The following SDK1 variants were observed in gnomAD, a reference collection of about 807,000 sequenced individuals.
The protein encoded by SDK1 is sidekick cell adhesion molecule 1, also known as protein sidekick-1.
In SDK1, 157 loss-of-function variants were observed where a neutral mutation model predicts 245.5. The observed-to-expected ratio is 0.64, with a 90% CI of 0.56 to 0.73. The LOEUF is 0.73. Among genes scored for constraint, SDK1 ranks in the 30% least tolerant of loss-of-function variants. The pLI is 0.00. For missense variants in SDK1, 3,583 were observed against 3,002.3 expected, an observed-to-expected ratio of 1.19 and a Z score of -4.52; for synonymous variants, 1,647 against 1,278.5, an observed-to-expected ratio of 1.29 and a Z score of -6.15.
chr7:4,253,390 A>T lies in SDK1; in HGVS notation c.6381+7585A>T, dbSNP rs191184428. On this transcript the variant is annotated intron_variant, in intron 44 of 44. Coordinates refer to ENST00000404826, the MANE Select transcript of SDK1 (RefSeq NM_152744.4). The stretch of plus-strand genomic sequence containing the variant: ...TTCTGTGTAATTTCTTCTTTGACAC[A>T]TTCGTTATTTAGGAGTGTGTTTTAC... 3.4e-3 allele frequency among the ~76,000 whole-genome samples: 520 copies of T among 152,258 alleles called. 4 individuals are homozygous for T. Among genetic ancestry groups the T allele is most frequent in the African/African-American group, 0.012 (501 of 41,558 alleles).
chr7:3,812,344 C>G (rs1235224108), intron 4 of SDK1, among the ~76,000 whole-genome samples: 1 of 152,170 alleles, frequency 6.6e-6, no homozygotes, highest in Non-Finnish European at 1.5e-5. Flanking sequence ...ACTGGAGGAT[C>G]CTTGTGTGCA....
chr7:4,232,098 A>G (rs1785814309), intron 40 of SDK1, among the ~76,000 whole-genome samples: 1 of 150,758 alleles, frequency 6.6e-6, no homozygotes, highest in African/African-American at 2.4e-5. Context: ...AATTTATACA[A>G]ACACACGTAC....
chr7:3,433,218 A>T (rs1477651516), intron 1 of SDK1, among the ~76,000 whole-genome samples: 3 of 152,160 alleles, frequency 2.0e-5, no homozygotes, highest in Non-Finnish European at 4.4e-5. Context: ...CACATTATCT[A>T]GTTATCTGCC....
At position 4,241,847 on chromosome 7, in the gene SDK1, C is replaced by G; in HGVS notation, c.6185C>G (p.Ala2062Gly). ...GTGACCCTGGACAACGGAGGATTTGCTGCCCTGGAGCTCAGCAGCCGCCAC... is the reference window on the plus strand; with the variant it reads ...GTGACCCTGGACAACGGAGGATTTGGTGCCCTGGAGCTCAGCAGCCGCCAC... The part of the protein sequence containing the change: ...ESVTLDNGGF[A>G]ALELSSRHLN... The change falls in exon 43 of 45, where the codon GCT becomes GGT. Residue 2062 changes from alanine (A) to glycine (G), a missense_variant. Transcript: ENST00000404826. The G allele has an allele frequency of 6.2e-7, 1 of 1,614,146 alleles. No individual in the cohort carries two copies. Among genetic ancestry groups the G allele is most frequent in the Non-Finnish European group, 8.5e-7 (1 of 1,180,016 alleles).
At chr7:3,371,687 G>A (rs1207057433) in intron 1 of SDK1, among the ~76,000 whole-genome samples, 3 of 152,186 alleles carry the variant, frequency 2.0e-5, no homozygotes, top group Non-Finnish European at 4.4e-5. Context: ...GGATGCAGAG[G>A]AGAAAAAGAT....
In SDK1 at chr7:3,907,152, C is replaced by G. The variant is rs140985571; in HGVS notation, c.848-43771C>G. On this transcript the variant is annotated intron_variant, in intron 5 of 44. Transcript: ENST00000404826. ...TGAAGATTTGTCTCTATCTGTAAAA[C>G]TTAAAACTTGCCATTTTAGCCATGC... Among the ~76,000 whole-genome samples, 1,328 of 152,252 alleles carry G rather than the reference C, an allele frequency of 8.7e-3. 9 individuals carry two copies. Among genetic ancestry groups the G allele is most frequent in the Middle Eastern group, 0.024 (7 of 294 alleles).
intron 1 of SDK1, among the ~76,000 whole-genome samples, chr7:3,537,533 C>G (rs545592934): frequency 6.6e-6 from 1 of 152,324 alleles, no homozygotes; most frequent in African/African-American, 2.4e-5. Context: ...TATGGATTCT[C>G]CATTGTGGCA....
intron 1 of SDK1, among the ~76,000 whole-genome samples, chr7:3,346,375 T>C (rs1205480325): frequency 6.6e-6 from 1 of 152,140 alleles, no homozygotes; most frequent in Admixed American, 6.5e-5. Flanking sequence ...TAGCTTCACT[T>C]TCTTCCTAGG....
chr7:3,301,728 C>A lies in SDK1; in HGVS notation c.142C>A (p.Pro48Thr), dbSNP rs868254792. Residue 48 changes from proline (P) to threonine (T), a missense_variant, in exon 1 of 45, where the codon CCC becomes ACC. By Grantham distance (38) the Pro-to-Thr change is conservative (BLOSUM62 -1). Transcript: ENST00000404826. ...GCTGGCGCCGCGCCCCGGCCCGGAG[C>A]CCTCGCGACCCCGGGCGGCGCCCGA... ...PSLAPRPGPE[P>T]SRPRAAPETS... 4,936 of 977,352 alleles carry A rather than the reference C, an allele frequency of 5.1e-3. 195 individuals are homozygous for A. In the African/African-American group the frequency reaches 0.079, roughly 16 times the overall value. 60.5% of individuals were successfully genotyped at this position (977,352 alleles called of 1,614,324 possible). A position where few individuals can be genotyped will look rare whatever the true frequency, so the allele number is the denominator to read the frequency against.
In SDK1 at chr7:3,348,119, C is replaced by T. The variant is rs149796914; in HGVS notation, c.298+46235C>T. 7.9e-3 allele frequency among the ~76,000 whole-genome samples: 1,198 copies of T among 152,204 alleles called. 8 individuals are homozygous for T. Among genetic ancestry groups the T allele is most frequent in the Middle Eastern group, 0.061 (18 of 294 alleles). On this transcript the variant is annotated intron_variant, in intron 1 of 44. Coordinates refer to ENST00000404826, the MANE Select transcript of SDK1 (RefSeq NM_152744.4). The stretch of plus-strand genomic sequence containing the variant: ...ATGTCTCTCACCTCTAAAGTGGGGA[C>T]GATGTTTACATCACAGACAGCAAAG...
intron 9 of SDK1, among the ~76,000 whole-genome samples, chr7:3,964,298 C>A (rs1374031808): frequency 6.6e-6 from 1 of 152,190 alleles, no homozygotes; most frequent in Non-Finnish European, 1.5e-5. Flanking sequence ...TGTCACTCCC[C>A]GGCCCTAGTA....
chr7:3,859,137 C>T (rs916681023), intron 5 of SDK1, among the ~76,000 whole-genome samples: 1 of 152,132 alleles, frequency 6.6e-6, no homozygotes, highest in African/African-American at 2.4e-5. Flanking sequence ...GCTGGGATTA[C>T]AGGCGTGAGC....
chr7:3,360,211 C>G (rs1305114011), intron 1 of SDK1, among the ~76,000 whole-genome samples: 3 of 152,178 alleles, frequency 2.0e-5, no homozygotes, highest in Non-Finnish European at 4.4e-5. Flanking sequence ...AGGAGTCACA[C>G]TAGTCACTAT....
chr7:3,432,442 A>G (rs1035568533), intron 1 of SDK1, among the ~76,000 whole-genome samples: 2 of 152,116 alleles, frequency 1.3e-5, no homozygotes, highest in African/African-American at 4.8e-5. Context: ...TGAATTCTCC[A>G]GGGGGCAAAA....
intron 25 of SDK1, among the ~76,000 whole-genome samples, chr7:4,123,991 T>C (rs1237070552): frequency 6.6e-6 from 1 of 152,092 alleles, no homozygotes; most frequent in Non-Finnish European, 1.5e-5. Context: ...CCCCACAGGG[T>C]GTGGTGAGGG....
chr7:3,500,752 C>T (rs888299421), intron 1 of SDK1, among the ~76,000 whole-genome samples: 1 of 152,078 alleles, frequency 6.6e-6, no homozygotes, highest in South Asian at 2.1e-4. Flanking sequence ...TTTTTCCTCT[C>T]CTTTCTTTCT....
At chr7:3,480,351 A>G (rs1781477010) in intron 1 of SDK1, among the ~76,000 whole-genome samples, 1 of 152,170 alleles carries the variant, frequency 6.6e-6, no homozygotes, top group Non-Finnish European at 1.5e-5. Flanking sequence ...CCTCGTGCAC[A>G]TATGCTCATG....
intron 5 of SDK1, among the ~76,000 whole-genome samples, chr7:3,909,181 A>G (rs1362060592): frequency 6.6e-6 from 1 of 152,216 alleles, no homozygotes. Flanking sequence ...CTTCAGACGC[A>G]GTGAGACCCT....
intron 1 of SDK1, among the ~76,000 whole-genome samples, chr7:3,501,851 A>T (rs1384534242): frequency 6.6e-6 from 1 of 152,142 alleles, no homozygotes; most frequent in East Asian, 1.9e-4. Context: ...ATGTTCTCTA[A>T]GATTCTGTAT....
Sources: allele counts gnomAD v4.1 joint callset (sites outside exome capture counted in the v4.1 genomes callset), GRCh38; gene constraint gnomAD v4.1.1; transcripts MANE v1.5; gene names NCBI Gene and HGNC (gene_info 2026-07-23, HGNC 2026-07-21).